CEP128: variants seen among roughly 807,000 people sequenced by gnomAD.
CEP128 encodes centrosomal protein 128.
In CEP128, 132 loss-of-function variants were observed where a neutral mutation model predicts 156.7. That is an observed-to-expected ratio of 0.84 (90% CI 0.73 to 0.97). The LOEUF is 0.97. Ranked by LOEUF, CEP128 falls within the 50% of genes least tolerant of loss-of-function variation. CEP128 has a pLI of 0.00. For synonymous variants in CEP128, 469 were observed against 448.9 expected (o/e 1.04, Z -0.57); for missense variants, 1,252 against 1,281.9 (o/e 0.98, Z 0.36).
intron 20 of CEP128, among the ~76,000 whole-genome samples, chr14:80,572,585 T>C (rs887706304): frequency 2.6e-5 from 4 of 152,210 alleles, no homozygotes; most frequent in Admixed American, 6.5e-5. Context: ...TCACTTATGT[T>C]CTGTAACACA....
At chr14:80,562,666 T>C (rs1386948645) in intron 20 of CEP128, among the ~76,000 whole-genome samples, 1 of 146,992 alleles carries the variant, frequency 6.8e-6, no homozygotes, top group Non-Finnish European at 1.5e-5. Flanking sequence ...TTTTTTTTTT[T>C]TTTTTTTTTT....
intron 9 of CEP128, among the ~76,000 whole-genome samples, chr14:80,860,037 T>A (rs375569428): frequency 1.3e-5 from 2 of 152,192 alleles, no homozygotes; most frequent in African/African-American, 4.8e-5. Context: ...CAATTATGGA[T>A]TTAATTTTTC....
chr14:80,669,486 C>A (rs1205759266), intron 19 of CEP128, among the ~76,000 whole-genome samples: 3 of 151,920 alleles, frequency 2.0e-5, no homozygotes, highest in South Asian at 2.1e-4. Flanking sequence ...ACAGAAATAA[C>A]CTCATTAAAA....
At chr14:80,776,489 T>C (rs1900797063) in intron 16 of CEP128, among the ~76,000 whole-genome samples, 2 of 147,998 alleles carry the variant, frequency 1.4e-5, no homozygotes. Flanking sequence ...ATATATTTAA[T>C]TTTATATTTA....
chr14:80,676,546 C>A (rs1368399810), intron 19 of CEP128, among the ~76,000 whole-genome samples: 1 of 152,020 alleles, frequency 6.6e-6, no homozygotes, highest in African/African-American at 2.4e-5. Context: ...TAGTTTATTG[C>A]ACTAGCTGGC....
At chr14:80,484,010 T>A (rs1887107123) in intron 14 of CEP128, among the ~76,000 whole-genome samples, 1 of 152,128 alleles carries the variant, frequency 6.6e-6, no homozygotes, top group African/African-American at 2.4e-5. Context: ...AGGGTCCCAC[T>A]CTGTTGCCTA....
intron 19 of CEP128, among the ~76,000 whole-genome samples, chr14:80,607,905 A>C (rs894201215): frequency 6.6e-6 from 1 of 152,200 alleles, no homozygotes; most frequent in African/African-American, 2.4e-5. Context: ...CCACACCACC[A>C]GAAGTACTCT....
At chr14:80,608,552 G>A (rs529704450) in intron 19 of CEP128, among the ~76,000 whole-genome samples, 1 of 152,200 alleles carries the variant, frequency 6.6e-6, no homozygotes, top group Admixed American at 6.5e-5. Context: ...AGCTTCTCAT[G>A]GATTCAACTC....
intron 8 of CEP128, among the ~76,000 whole-genome samples, chr14:80,889,305 G>C (rs1256276526): frequency 6.6e-6 from 1 of 152,186 alleles, no homozygotes; most frequent in Non-Finnish European, 1.5e-5. Context: ...AACCAAAAAA[G>C]AGCCTGCATA....
intron 23 of CEP128, among the ~76,000 whole-genome samples, chr14:80,523,282 T>A (rs1888828685): frequency 6.6e-6 from 1 of 152,220 alleles, no homozygotes; most frequent in African/African-American, 2.4e-5. Context: ...TCTCCCAAAC[T>A]GAGATGTGGA....
chr14:80,712,232 T>C, intron 19 of CEP128, among the ~76,000 whole-genome samples: 1 of 151,934 alleles, frequency 6.6e-6, no homozygotes, highest in South Asian at 2.1e-4. Context: ...CTCTAAAGAG[T>C]TCTGTACTGG....
chr14:80,534,384 A>C (rs540157010), intron 21 of CEP128, among the ~76,000 whole-genome samples: 1 of 152,360 alleles, frequency 6.6e-6, no homozygotes, highest in African/African-American at 2.4e-5. Flanking sequence ...GCTGTATTTC[A>C]GAGATGTCAT....
chr14:80,500,897 CTCT>C (rs1887701572), intron 24 of CEP128, among the ~76,000 whole-genome samples: 1 of 151,976 alleles, frequency 6.6e-6, no homozygotes, highest in African/African-American at 2.4e-5. Context: ...TATGACATTT[CTCT>C]TCTTGTTCAT....
chr14:80,907,108 C>T (rs181699468), intron 4 of CEP128, among the ~76,000 whole-genome samples: 172 of 152,150 alleles, frequency 1.1e-3, no homozygotes, highest in African/African-American at 3.8e-3. Flanking sequence ...GAGCCTCAAC[C>T]GAAGGAAAAG....
At chr14:80,955,601 G>T in intron 2 of CEP128, 1 of 1,563,074 alleles carries the variant, frequency 6.4e-7, no homozygotes, top group Non-Finnish European at 8.8e-7. Flanking sequence ...GGTCTCCTTT[G>T]GCCTGGGGTA....
At chr14:80,517,550 T>A (rs1888545363) in intron 23 of CEP128, among the ~76,000 whole-genome samples, 1 of 152,238 alleles carries the variant, frequency 6.6e-6, no homozygotes, top group South Asian at 2.1e-4. Flanking sequence ...CTTTCTGTTA[T>A]TAATTTCTAA....
chr14:80,893,508 C>CA (rs55840549), intron 8 of CEP128, among the ~76,000 whole-genome samples: 70,780 of 140,146 alleles, frequency 0.51, 17,039 homozygotes, highest in South Asian at 0.58. Flanking sequence ...CAAACCAAAA[C>CA]AAAAAAAAAA....
upstream of CEP128, among the ~76,000 whole-genome samples, chr14:80,943,993 CAA>C (rs36074282): frequency 8.0e-4 from 81 of 101,118 alleles, no homozygotes; most frequent in Non-Finnish European, 8.7e-4. Flanking sequence ...GACTCCATCT[CAA>C]AAAAAAAAAA....
At chr14:80,673,937 C>A (rs1380378345) in intron 19 of CEP128, among the ~76,000 whole-genome samples, 1 of 151,874 alleles carries the variant, frequency 6.6e-6, no homozygotes, top group Non-Finnish European at 1.5e-5. Context: ...GGAAATTGTA[C>A]CTCTGATTGG....
Sources: allele counts gnomAD v4.1 joint callset (sites outside exome capture counted in the v4.1 genomes callset), GRCh38; gene constraint gnomAD v4.1.1; transcripts MANE v1.5; gene names NCBI Gene and HGNC (gene_info 2026-07-23, HGNC 2026-07-21).